CLIP1: variants seen among roughly 807,000 people sequenced by gnomAD.
CLIP1 encodes the protein CAP-Gly domain-containing linker protein 1.
A neutral mutation model predicts 161.6 loss-of-function variants in CLIP1; 66 were observed. That is an observed-to-expected ratio of 0.41 (90% CI 0.33 to 0.50). The LOEUF (loss-of-function observed/expected upper bound fraction) is 0.50, where lower values mean the gene tolerates loss of function less well. Ranked by LOEUF, CLIP1 falls within the 20% of genes least tolerant of loss-of-function variation. The pLI is 0.27. For missense variants in CLIP1, 1,376 were observed against 1,702.0 expected (o/e 0.81, Z 3.37); for synonymous variants, 598 against 626.2 (o/e 0.96, Z 0.67).
intron 1 of CLIP1, among the ~76,000 whole-genome samples, chr12:122,410,398 A>G (rs1956482690): frequency 8.7e-5 from 1 of 11,460 alleles, no homozygotes; most frequent in African/African-American, 2.8e-4. Flanking sequence ...TGCCTTTGTA[A>G]AGTTATATTT....
At chr12:122,340,066 A>G (rs1014963910) in intron 11 of CLIP1, among the ~76,000 whole-genome samples, 2 of 149,544 alleles carry the variant, frequency 1.3e-5, no homozygotes, top group African/African-American at 4.9e-5. Context: ...GGAGGAGATG[A>G]TCTTTTAAGC....
chr12:122,345,807 C>G (rs1332107630), intron 10 of CLIP1, among the ~76,000 whole-genome samples: 1 of 149,176 alleles, frequency 6.7e-6, no homozygotes, highest in Non-Finnish European at 1.5e-5. Context: ...TTTTTTGAGA[C>G]AGAGTTTCGC....
At chr12:122,406,282 C>CA (rs1956325757) in intron 1 of CLIP1, among the ~76,000 whole-genome samples, 1 of 151,904 alleles carries the variant, frequency 6.6e-6, no homozygotes, top group Admixed American at 6.6e-5. Flanking sequence ...CCTGTCTCTG[C>CA]AAAAAATACA....
chr12:122,365,461 C>T, intron 3 of CLIP1: 2 of 782,886 alleles, frequency 2.6e-6, no homozygotes, highest in South Asian at 2.7e-5. Flanking sequence ...GCCAAGATAG[C>T]TTCCTGAAAC....
chr12:122,303,264 G>T (rs1186360950), intron 20 of CLIP1, among the ~76,000 whole-genome samples: 2 of 151,870 alleles, frequency 1.3e-5, no homozygotes, highest in African/African-American at 4.8e-5. Flanking sequence ...GCTTCTCTTG[G>T]CCTGAATTCC....
At chr12:122,376,342 C>G (rs923193723) in intron 3 of CLIP1, among the ~76,000 whole-genome samples, 1 of 151,824 alleles carries the variant, frequency 6.6e-6, no homozygotes, top group African/African-American at 2.4e-5. Flanking sequence ...CGTAAGCCAC[C>G]GTACCTAGCC....
In CLIP1 at chr12:122,341,551, C is replaced by T. The variant is rs750683707; in HGVS notation, c.1653G>A (p.Glu551=). The change falls in exon 11 of 26, where the codon GAG becomes GAA. Residue 551 remains glutamate (E), a synonymous_variant. Transcript: ENST00000620786. ...DVDMSLSLLQ[E]ISSLQEKLEV... ...CTAACTTTTCTTGCAAAGAGCTTAT[C>T]TCTTGCAAAAGGGAAAGTGACATGT... 9.3e-6 allele frequency: 15 copies of T among 1,613,932 alleles called. No individual in the cohort carries two copies. The South Asian group carries it at 1.6e-4, about 18-fold the overall frequency.
intron 5 of CLIP1, among the ~76,000 whole-genome samples, chr12:122,356,724 C>T (rs933927859): frequency 6.6e-6 from 1 of 151,074 alleles, no homozygotes; most frequent in Non-Finnish European, 1.5e-5. Flanking sequence ...TCTCGGCTCA[C>T]TGCAGCCTCC....
chr12:122,401,184 TAC>T (rs1421314724), intron 1 of CLIP1, among the ~76,000 whole-genome samples: 1 of 152,124 alleles, frequency 6.6e-6, no homozygotes, highest in Non-Finnish European at 1.5e-5. Flanking sequence ...GTGCTGGGAT[TAC>T]AGACATGAGC....
chr12:122,289,670 GTTCT>G (rs1249411519), intron 20 of CLIP1, among the ~76,000 whole-genome samples: 5 of 152,116 alleles, frequency 3.3e-5, no homozygotes, highest in East Asian at 3.9e-4. Context: ...ATTTCCAGTG[GTTCT>G]TTATTATCTC....
In CLIP1 at chr12:122,272,987, T is replaced by A; in HGVS notation, c.4205A>T (p.Asp1402Val). 1 of 1,614,008 alleles carries A rather than the reference T, an allele frequency of 6.2e-7. No individual in the cohort carries two copies. Among genetic ancestry groups the A allele is most frequent in the Non-Finnish European group, 8.5e-7 (1 of 1,180,010 alleles). Residue 1402 changes from aspartate (D) to valine (V), a missense_variant, in exon 26 of 26, where the codon GAC becomes GTC. Asp to Val is a radical substitution (Grantham distance 152). Transcript: ENST00000620786. ...GCCATGGTGTGTGGAATGGGGAGGG[T>A]CCTCTGACATCTGTGCCTGGGTAGG... ...DCPTQAQMSE[D>V]PPHSTHHGSR...
At chr12:122,419,163 G>C (rs539495927) in intron 1 of CLIP1, among the ~76,000 whole-genome samples, 2 of 152,112 alleles carry the variant, frequency 1.3e-5, no homozygotes, top group Non-Finnish European at 2.9e-5. Flanking sequence ...TTGAATTCAA[G>C]AGTTGGAGAC....
At chr12:122,273,962 C>T in intron 25 of CLIP1, 76 bp downstream of exon 25, 1 of 1,329,544 alleles carries the variant, frequency 7.5e-7, no homozygotes, top group Non-Finnish European at 1.1e-6. Context: ...GAACTCCTGA[C>T]CCTCAAGTGG....
At chr12:122,302,287 A>T (rs1182254464) in intron 20 of CLIP1, among the ~76,000 whole-genome samples, 1 of 151,874 alleles carries the variant, frequency 6.6e-6, no homozygotes, top group Non-Finnish European at 1.5e-5. Flanking sequence ...TTTTTAGTAG[A>T]GATGGAGTTT....
rs1191527378 is a variant in CLIP1, at chr12:122,311,670, G to A, written c.3474-1788C>T. Among the ~76,000 whole-genome samples the A allele has an allele frequency of 1.3e-5, 2 of 152,064 alleles. No individual in the cohort carries two copies. Among genetic ancestry groups the A allele is most frequent in the Admixed American group, 1.3e-4 (2 of 15,264 alleles). On this transcript the variant is annotated intron_variant, in intron 19 of 25. Transcript: ENST00000620786. This position sits in a 1 kb window ranked among gnomAD's most constrained non-coding sequence, Gnocchi z 4.3. Reference sequence around the variant, plus strand: ...GATCTCTTGACCTCGTGATCTGCCCGCCTCGGCCTCCCAAAGTGCTGGGAT... The same window carrying A: ...GATCTCTTGACCTCGTGATCTGCCCACCTCGGCCTCCCAAAGTGCTGGGAT...
At chr12:122,398,702 T>TA (rs574806649) in intron 1 of CLIP1, among the ~76,000 whole-genome samples, 56 of 146,266 alleles carry the variant, frequency 3.8e-4, no homozygotes, top group South Asian at 1.3e-3. Flanking sequence ...ACCCCATCTC[T>TA]AAAAAAAAAA....
chr12:122,392,086 C>T (rs577965700), intron 1 of CLIP1, among the ~76,000 whole-genome samples: 77 of 152,204 alleles, frequency 5.1e-4, no homozygotes, highest in Middle Eastern at 3.4e-3. Context: ...GCCTGGGCAA[C>T]ACAGTGAGAC....
intron 23 of CLIP1, chr12:122,278,472 G>A (rs549958987): frequency 9.1e-6 from 5 of 548,316 alleles, no homozygotes; most frequent in African/African-American, 1.9e-5. Flanking sequence ...CCATCTGAAT[G>A]TACAGAGGCA....
chr12:122,370,174 A>AAAG (rs1160083389), intron 3 of CLIP1, among the ~76,000 whole-genome samples: 1 of 151,544 alleles, frequency 6.6e-6, no homozygotes, highest in African/African-American at 2.4e-5. Flanking sequence ...AAAAAAAAAA[A>AAAG]AAGAAGAAGA....
Sources: allele counts gnomAD v4.1 joint callset (sites outside exome capture counted in the v4.1 genomes callset), GRCh38; gene constraint gnomAD v4.1.1; non-coding constraint Gnocchi (gnomAD v3.1); transcripts MANE v1.5; gene names NCBI Gene and HGNC (gene_info 2026-07-23, HGNC 2026-07-21).